The following GCLC variants were observed in gnomAD, a reference collection of about 807,000 sequenced individuals.
GCLC encodes the protein glutamate-cysteine ligase catalytic subunit.
Under a neutral mutation model 81.5 loss-of-function variants are expected in GCLC, and 30 were observed. The observed-to-expected ratio is 0.37, with a 90% CI of 0.28 to 0.50. GCLC has a LOEUF of 0.50. GCLC is among the 20% of genes least tolerant of loss of function. The probability of loss-of-function intolerance (pLI) is 0.96; values close to 1 mark genes in which losing one functional copy is unlikely to be tolerated. For synonymous variants in GCLC, 262 were observed against 273.3 expected, an observed-to-expected ratio of 0.96 and a Z score of 0.41; for missense variants, 556 against 777.4, an observed-to-expected ratio of 0.72 and a Z score of 3.39.
chr6:53,500,774 T>C, intron 12 of GCLC: 1 of 516,128 alleles, frequency 1.9e-6, no homozygotes, highest in Non-Finnish European at 3.5e-6. Context: ...ATGTGGAACG[T>C]CTGCATTTCA....
intron 12 of GCLC, among the ~76,000 whole-genome samples, chr6:53,505,051 A>C (rs888892109): frequency 8.5e-5 from 13 of 152,280 alleles, no homozygotes; most frequent in African/African-American, 3.1e-4. Flanking sequence ...AATTCTTCAG[A>C]AATATCTCAA....
intron 7 of GCLC, 121 bp from the exon 8 acceptor site, chr6:53,508,832 G>A: frequency 1.8e-6 from 1 of 569,102 alleles, no homozygotes; most frequent in Non-Finnish European, 3.0e-6. Context: ...CAGAGCACAT[G>A]TACCTGTGCC....
intron 8 of GCLC, among the ~76,000 whole-genome samples, chr6:53,508,381 C>T (rs1260909796): frequency 1.3e-5 from 2 of 152,146 alleles, no homozygotes; most frequent in Non-Finnish European, 2.9e-5. Context: ...TCAGCACTTC[C>T]AAAATATAGA....
chr6:53,501,862 T>A (rs1341905434), intron 12 of GCLC, among the ~76,000 whole-genome samples: 1 of 152,228 alleles, frequency 6.6e-6, no homozygotes, highest in East Asian at 1.9e-4. Context: ...CCTTTCAAAG[T>A]ATATTTTACT....
Position 53,498,621 on chromosome 6 carries a change from A to C in GCLC, c.*135T>G. The C allele has an allele frequency of 2.8e-6, 2 of 710,478 alleles. No individual in the cohort carries two copies. The highest frequency in any genetic ancestry group is 2.6e-6 in the Non-Finnish European group (1 of 386,374). 44.0% of individuals were successfully genotyped at this position (710,478 alleles called of 1,614,324 possible). A position where few individuals can be genotyped will look rare whatever the true frequency, so the allele number is the denominator to read the frequency against. ...GATTTACCTACCAAAGAAAGCCTTA[A>C]TCAATTTCTGGCTCACTGGCCCAGA... On this transcript the variant is annotated 3_prime_UTR_variant, in exon 16 of 16. Coordinates refer to ENST00000650454, the MANE Select transcript of GCLC (RefSeq NM_001498.4).
chr6:53,544,390 G>C (rs1581754444), intron 1 of GCLC, 106 bp downstream of exon 1: 3 of 1,230,440 alleles, frequency 2.4e-6, no homozygotes, highest in East Asian at 4.9e-5. Context: ...CCCGGGCGCA[G>C]TGGAGAACGC....
At chr6:53,517,682 G>A (rs1322583228) in intron 3 of GCLC, among the ~76,000 whole-genome samples, 2 of 152,158 alleles carry the variant, frequency 1.3e-5, no homozygotes, top group Non-Finnish European at 2.9e-5. Context: ...TTGTGTGGAA[G>A]GGAGAAGGTA....
chr6:53,528,032 T>TA (rs554420423), intron 1 of GCLC, among the ~76,000 whole-genome samples: 153 of 152,296 alleles, frequency 1.0e-3, no homozygotes, highest in East Asian at 7.9e-3. Context: ...AGCAAAATGG[T>TA]AATGACAAAT....
intron 1 of GCLC, among the ~76,000 whole-genome samples, chr6:53,540,062 G>A (rs767247080): frequency 2.0e-5 from 3 of 152,170 alleles, no homozygotes; most frequent in Non-Finnish European, 2.9e-5. Flanking sequence ...GCAATCCAAT[G>A]CACAAGCCTA....
rs1764823854 is a variant in GCLC, at chr6:53,514,466, C to T, written c.592G>A (p.Gly198Arg). The part of the protein sequence containing the change: ...TLTRNIRHRR[G>R]EKVVINVPIF... ...GGTACATTGATGACAACCTTTTCTC[C>T]TCTCCTATGTCGGATATTTCTTGTT... The change falls in exon 5 of 16, where the codon GGA becomes AGA. Residue 198 changes from glycine to arginine, a missense_variant. Around this residue, in one of 3 missense-constraint regions of GCLC, gnomAD observed 234 missense variants for 303.8 expected, o/e 0.77. Transcript: ENST00000650454. 6.2e-7 allele frequency: 1 copy of T among 1,613,542 alleles called. No homozygotes were observed. The highest frequency in any genetic ancestry group is 8.5e-7 in the Non-Finnish European group (1 of 1,179,448).
chr6:53,529,343 T>C (rs1763134930), intron 1 of GCLC, among the ~76,000 whole-genome samples: 2 of 152,198 alleles, frequency 1.3e-5, no homozygotes, highest in Non-Finnish European at 2.9e-5. Context: ...AAAAACATCA[T>C]GCTACCACAA....
chr6:53,529,121 A>G (rs961835093), intron 1 of GCLC, among the ~76,000 whole-genome samples: 1 of 152,260 alleles, frequency 6.6e-6, no homozygotes, highest in Non-Finnish European at 1.5e-5. Context: ...GATAGTATAG[A>G]GTAGAACATT....
At chr6:53,500,200 C>T (rs772317155) in intron 14 of GCLC, 35 bp from the exon 15 acceptor site, 15 of 1,613,548 alleles carry the variant, frequency 9.3e-6, no homozygotes, top group Middle Eastern at 3.3e-4. Context: ...AACTCCCTGC[C>T]GGGGGATGTG....
chr6:53,523,543 C>T (rs1209464561), intron 1 of GCLC, among the ~76,000 whole-genome samples: 1 of 152,162 alleles, frequency 6.6e-6, no homozygotes, highest in Admixed American at 6.5e-5. Context: ...ACCGTATATC[C>T]ACTATTTCCC....
intron 4 of GCLC, among the ~76,000 whole-genome samples, chr6:53,515,651 T>G (rs908454259): frequency 6.6e-6 from 1 of 152,118 alleles, no homozygotes; most frequent in Non-Finnish European, 1.5e-5. Context: ...CCAACAGAAC[T>G]TGAAGTTAAT....
At chr6:53,543,445 G>GA (rs11290203) in intron 1 of GCLC, among the ~76,000 whole-genome samples, 124 of 145,234 alleles carry the variant, frequency 8.5e-4, no homozygotes, top group Non-Finnish European at 8.6e-4. Flanking sequence ...CCCAATCTTA[G>GA]AAAAAAAAAA....
intron 6 of GCLC, among the ~76,000 whole-genome samples, chr6:53,511,201 T>TAGGGGG (rs1554151846): frequency 9.3e-6 from 1 of 108,088 alleles, no homozygotes; most frequent in African/African-American, 3.1e-5. Context: ...AAAAAAAAAG[T>TAGGGGG]GGGGGGGGGG....
rs774687067 is a variant in GCLC, at chr6:53,500,361, AGAG to A, written c.1478-14_1478-12del. On this transcript the variant is annotated splice_polypyrimidine_tract_variant and intron_variant, in intron 13 of 15. Transcript: ENST00000650454. ...CCACTGCATTGCCACCTGCCGGAGA[AGAG>A]GGTCAGGGGAGCTTTAGCAGCTTGT... The A allele has an allele frequency of 1.7e-5, 27 of 1,613,590 alleles. No homozygotes were observed. In the South Asian group the frequency reaches 3.0e-4, roughly 18 times the overall value.
At position 53,505,465 on chromosome 6, in the gene GCLC, T is replaced by C; in HGVS notation, c.1322A>G (p.Tyr441Cys). 8.7e-6 allele frequency: 14 copies of C among 1,604,468 alleles called. No homozygotes were observed. Among genetic ancestry groups the C allele is most frequent in the South Asian group, 2.2e-5 (2 of 90,822 alleles). ...GGTGAGCAGTACCACAAACACCACA[T>C]AGGCAGAGTTCTCAAAGTCTGTTAA... is the stretch of plus-strand genomic sequence containing the variant. Reference protein sequence around the residue: ...VQLTDFENSAYVVFVVLLTRV... With the variant: ...VQLTDFENSACVVFVVLLTRV... Residue 441 changes from tyrosine (Y) to cysteine (C), a missense_variant, in exon 12 of 16, where the codon TAT becomes TGT. By Grantham distance (194) the Tyr-to-Cys change is radical (BLOSUM62 -2). Coordinates refer to ENST00000650454, the MANE Select transcript of GCLC (RefSeq NM_001498.4).
Sources: allele counts gnomAD v4.1 joint callset (sites outside exome capture counted in the v4.1 genomes callset), GRCh38; gene constraint gnomAD v4.1.1; regional missense constraint gnomAD v4.1.1; transcripts MANE v1.5; gene names NCBI Gene and HGNC (gene_info 2026-07-23, HGNC 2026-07-21).